RASGRP1: variants seen among roughly 807,000 people sequenced by gnomAD.
RASGRP1 encodes RAS guanyl releasing protein 1, also known as RAS guanyl-releasing protein 1.
In RASGRP1, 37 loss-of-function variants were observed where a neutral mutation model predicts 95.1. That is an observed-to-expected ratio of 0.39 (90% CI 0.30 to 0.51). RASGRP1 has a LOEUF of 0.51. Ranked by LOEUF, RASGRP1 falls within the 20% of genes least tolerant of loss-of-function variation. The pLI is 0.80. For synonymous variants in RASGRP1, 325 were observed against 353.4 expected (o/e 0.92, Z 0.90); for missense variants, 711 against 965.4 (o/e 0.74, Z 3.49).
intron 2 of RASGRP1, among the ~76,000 whole-genome samples, chr15:38,553,409 T>G (rs1893416194): frequency 6.6e-6 from 1 of 152,218 alleles, no homozygotes; most frequent in Non-Finnish European, 1.5e-5. Flanking sequence ...CATCACAGAT[T>G]TCATAAACTT....
intron 8 of RASGRP1, among the ~76,000 whole-genome samples, chr15:38,510,717 T>C (rs907496222): frequency 6.6e-6 from 1 of 152,224 alleles, no homozygotes; most frequent in Non-Finnish European, 1.5e-5. Context: ...TCCAATACTT[T>C]AGGAGGCCGA....
intron 9 of RASGRP1, among the ~76,000 whole-genome samples, chr15:38,506,128 T>TATCTC (rs5812039): frequency 0.63 from 95,373 of 151,590 alleles, 30,139 homozygotes; most frequent in South Asian, 0.78. Context: ...ATTTTGGACA[T>TATCTC]AGGATGCCCT....
chr15:38,539,677 C>T (rs1036214162), intron 2 of RASGRP1, among the ~76,000 whole-genome samples: 1 of 151,960 alleles, frequency 6.6e-6, no homozygotes, highest in African/African-American at 2.4e-5. Flanking sequence ...CCCACTAACT[C>T]GTCATCTAGC....
chr15:38,542,932 T>A (rs546218994), intron 2 of RASGRP1, among the ~76,000 whole-genome samples: 1 of 132,222 alleles, frequency 7.6e-6, no homozygotes, highest in South Asian at 2.4e-4. Flanking sequence ...TATATATATG[T>A]GTGTGTATAT....
chr15:38,522,526 C>T (rs1352209531), intron 3 of RASGRP1, among the ~76,000 whole-genome samples: 5 of 151,992 alleles, frequency 3.3e-5, no homozygotes, highest in African/African-American at 1.2e-4. Flanking sequence ...TTAAGCAGTA[C>T]AAAACTAAAA....
At chr15:38,537,077 T>C (rs151304899) in intron 2 of RASGRP1, among the ~76,000 whole-genome samples, 3 of 152,272 alleles carry the variant, frequency 2.0e-5, no homozygotes, top group Admixed American at 1.3e-4. Flanking sequence ...TTTGTTTGGC[T>C]ATTCCAGACT....
intron 16 of RASGRP1, among the ~76,000 whole-genome samples, chr15:38,493,802 G>T (rs1890687946): frequency 6.6e-6 from 1 of 152,154 alleles, no homozygotes; most frequent in Non-Finnish European, 1.5e-5. Context: ...TAGGAGGGAG[G>T]CGTTTTCTAT....
chr15:38,515,226 T>C (rs1891712182), intron 6 of RASGRP1, among the ~76,000 whole-genome samples: 1 of 152,224 alleles, frequency 6.6e-6, no homozygotes, highest in African/African-American at 2.4e-5. Context: ...TTGACTGTAA[T>C]CAGCTGTGTC....
At chr15:38,550,085 C>T (rs969936751) in intron 2 of RASGRP1, among the ~76,000 whole-genome samples, 1 of 151,580 alleles carries the variant, frequency 6.6e-6, no homozygotes, top group Admixed American at 6.6e-5. Flanking sequence ...TGGTGAAACC[C>T]CATCTCTACT....
intron 16 of RASGRP1, among the ~76,000 whole-genome samples, chr15:38,492,885 C>CTT (rs1273312659): frequency 2.1e-5 from 3 of 142,906 alleles, no homozygotes; most frequent in African/African-American, 5.1e-5. Flanking sequence ...TCCCCACCCG[C>CTT]TTTTTTTTTT....
intron 1 of RASGRP1, among the ~76,000 whole-genome samples, chr15:38,562,955 G>A (rs1282779430): frequency 6.6e-6 from 1 of 152,216 alleles, no homozygotes; most frequent in African/African-American, 2.4e-5. Flanking sequence ...AGGGAAGAAA[G>A]GGTGACAAAA....
In RASGRP1 at chr15:38,489,044, T is replaced by C. The variant is rs895778231; in HGVS notation, c.*1510A>G. 2 of 152,046 alleles carry C rather than the reference T, an allele frequency of 1.3e-5. No homozygotes were observed. Among genetic ancestry groups the C allele is most frequent in the African/African-American group, 4.8e-5 (2 of 41,428 alleles). The allele number at this position is 152,046 out of a possible 1,614,324, so 9.4% of individuals were successfully genotyped here. ...TCTTTCATCAAAGAGAATTCCTAAA[T>C]GATCTGAATCCTCCAGGTAAGCAAT... On this transcript the variant is annotated 3_prime_UTR_variant, in exon 17 of 17. Coordinates refer to ENST00000310803, the MANE Select transcript of RASGRP1 (RefSeq NM_005739.4).
chr15:38,505,744 A>C, intron 10 of RASGRP1, 96 bp downstream of exon 10: 1 of 985,800 alleles, frequency 1.0e-6, no homozygotes, highest in Non-Finnish European at 1.6e-6. Flanking sequence ...TACATGTATT[A>C]AACTGAACTG....
intron 2 of RASGRP1, among the ~76,000 whole-genome samples, chr15:38,552,450 T>G (rs1267281606): frequency 1.3e-5 from 2 of 152,104 alleles, no homozygotes; most frequent in African/African-American, 2.4e-5. Flanking sequence ...GGGGAGGGAT[T>G]GAAAAGGAAG....
intron 2 of RASGRP1, among the ~76,000 whole-genome samples, chr15:38,552,064 A>C (rs1230432978): frequency 6.6e-6 from 1 of 152,232 alleles, no homozygotes; most frequent in Non-Finnish European, 1.5e-5. Context: ...GGTTAATCTT[A>C]AGAGATATTT....
intron 15 of RASGRP1, 29 bp downstream of exon 15, chr15:38,498,765 C>G: frequency 6.2e-7 from 1 of 1,602,180 alleles, no homozygotes. Flanking sequence ...CTTCACTTTC[C>G]AAGATGAATG....
intron 5 of RASGRP1, among the ~76,000 whole-genome samples, chr15:38,516,964 T>C (rs1247197682): frequency 6.6e-6 from 1 of 152,118 alleles, no homozygotes; most frequent in Non-Finnish European, 1.5e-5. Context: ...TATTTTCTTG[T>C]AATCAACCCA....
At chr15:38,515,278 C>T (rs1047193069) in intron 6 of RASGRP1, among the ~76,000 whole-genome samples, 2 of 152,136 alleles carry the variant, frequency 1.3e-5, no homozygotes, top group African/African-American at 4.8e-5. Flanking sequence ...ATCCCCTCAC[C>T]AGGAGAATAC....
intron 2 of RASGRP1, among the ~76,000 whole-genome samples, chr15:38,528,263 A>C (rs1595861389): frequency 6.6e-6 from 1 of 151,904 alleles, no homozygotes; most frequent in East Asian, 1.9e-4. Context: ...ATAAAACAAA[A>C]CCTTAAACTC....
Sources: gnomAD v4.1 joint callset for allele counts (sites outside exome capture counted in the v4.1 genomes callset) on GRCh38, gnomAD v4.1.1 for gene constraint, MANE v1.5 for transcripts, NCBI Gene and HGNC (gene_info 2026-07-23, HGNC 2026-07-21) for gene names.